Variants in SKAP1 observed in about 807,000 individuals in gnomAD.
SKAP1 encodes src kinase associated phosphoprotein 1, also known as src kinase-associated phosphoprotein 1.
A neutral mutation model predicts 58.5 loss-of-function variants in SKAP1; 44 were observed. That is an observed-to-expected ratio of 0.75 (90% CI 0.59 to 0.97). SKAP1 has a LOEUF of 0.97. Among genes scored for constraint, SKAP1 ranks in the 50% least tolerant of loss-of-function variants. The pLI, the probability that SKAP1 is intolerant of heterozygous loss-of-function variation, is 0.00. For synonymous variants in SKAP1, 127 were observed against 149.7 expected (o/e 0.85, Z 1.11); for missense variants, 390 against 435.2 (o/e 0.90, Z 0.92).
At chr17:48,384,989 G>T (rs1393562972) in intron 2 of SKAP1, among the ~76,000 whole-genome samples, 1 of 152,072 alleles carries the variant, frequency 6.6e-6, no homozygotes, top group Non-Finnish European at 1.5e-5. Context: ...GGGCAGGGTA[G>T]AAAAATGAGC....
At chr17:48,364,885 T>TA (rs1567884679) in intron 2 of SKAP1, among the ~76,000 whole-genome samples, 1 of 151,850 alleles carries the variant, frequency 6.6e-6, no homozygotes, top group Non-Finnish European at 1.5e-5. Context: ...GTCTTTTATT[T>TA]ATCTATTTTT....
At chr17:48,337,605 A>T (rs2066590999) in intron 4 of SKAP1, among the ~76,000 whole-genome samples, 1 of 152,240 alleles carries the variant, frequency 6.6e-6, no homozygotes, top group South Asian at 2.1e-4. Context: ...ATAATTAATT[A>T]GTTCTATGTC....
At chr17:48,324,251 C>A (rs1222417712) in intron 4 of SKAP1, among the ~76,000 whole-genome samples, 8 of 151,928 alleles carry the variant, frequency 5.3e-5, no homozygotes, top group Non-Finnish European at 1.5e-5. Context: ...GAACATTTTC[C>A]TATGATAATA....
intron 3 of SKAP1, among the ~76,000 whole-genome samples, chr17:48,348,874 T>C (rs2066758396): frequency 6.6e-6 from 1 of 152,164 alleles, no homozygotes; most frequent in South Asian, 2.1e-4. Context: ...AGTTCCTCTG[T>C]AAAGTACACA....
At chr17:48,370,358 T>A (rs981136589) in intron 2 of SKAP1, among the ~76,000 whole-genome samples, 2 of 152,148 alleles carry the variant, frequency 1.3e-5, no homozygotes, top group African/African-American at 4.8e-5. Context: ...TATGCTGGAG[T>A]GCTGTGGCGT....
At chr17:48,364,262 C>A (rs535328316) in intron 2 of SKAP1, among the ~76,000 whole-genome samples, 1 of 152,256 alleles carries the variant, frequency 6.6e-6, no homozygotes, top group Admixed American at 6.5e-5. Flanking sequence ...ATCTCAAATG[C>A]CTCTGAAGCC....
intron 1 of SKAP1, among the ~76,000 whole-genome samples, chr17:48,425,118 C>T (rs1449482057): frequency 6.6e-6 from 1 of 151,266 alleles, no homozygotes; most frequent in Non-Finnish European, 1.5e-5. Context: ...ATTAGCCTGT[C>T]ATGGTGGCGT....
intron 3 of SKAP1, among the ~76,000 whole-genome samples, chr17:48,356,269 T>C (rs1036121577): frequency 6.6e-6 from 1 of 151,944 alleles, no homozygotes; most frequent in East Asian, 1.9e-4. Context: ...AAAACTAAAA[T>C]AAATAAATAA....
At chr17:48,137,829 C>T (rs1381009227) in intron 11 of SKAP1, among the ~76,000 whole-genome samples, 2 of 152,182 alleles carry the variant, frequency 1.3e-5, no homozygotes, top group Non-Finnish European at 2.9e-5. Flanking sequence ...TGGAGTCAGA[C>T]AGACTGAGAT....
At chr17:48,287,075 C>A (rs549983840) in intron 4 of SKAP1, among the ~76,000 whole-genome samples, 16 of 150,172 alleles carry the variant, frequency 1.1e-4, no homozygotes, top group Admixed American at 4.0e-4. Context: ...CAGCTCTGGG[C>A]GACAGAGCAA....
At chr17:48,437,957 T>C in the SKAP1 span, among the ~76,000 whole-genome samples, 1 of 152,056 alleles carries the variant, frequency 6.6e-6, no homozygotes, top group East Asian at 1.9e-4. Context: ...TCAATATCTT[T>C]GTTGGGAAGT....
In SKAP1 at chr17:48,407,854, C is replaced by CAAA. The variant is rs71366874; in HGVS notation, c.47-11072_47-11070dup. ...GGGCAACAGAGTGAGACTTTGTCTC[C>CAAA]AAAAAAAAAAAAGGCAGGGGAGGAA... On this transcript the variant is annotated intron_variant, in intron 1 of 12. Transcript: ENST00000336915. Among the ~76,000 whole-genome samples the CAAA allele has an allele frequency of 4.7e-3, 581 of 123,470 alleles. 5 individuals carry two copies. Among genetic ancestry groups the CAAA allele is most frequent in the African/African-American group, 0.016 (527 of 33,722 alleles). The allele number at this position is 123,470 out of a possible 152,430, so 81.0% of individuals were successfully genotyped here.
intron 8 of SKAP1, 52 bp from the exon 9 acceptor site, chr17:48,180,300 G>A: frequency 7.3e-7 from 1 of 1,367,784 alleles, no homozygotes; most frequent in South Asian, 1.5e-5. Context: ...AAGAAAATAA[G>A]ACAGGAAAGG....
chr17:48,190,170 G>A (rs1333532212), intron 4 of SKAP1, among the ~76,000 whole-genome samples: 4 of 148,680 alleles, frequency 2.7e-5, no homozygotes, highest in Non-Finnish European at 3.0e-5. Flanking sequence ...GCAGTGGCGC[G>A]ATCTTGGCTC....
chr17:48,189,773 C>T (rs1451527690), intron 4 of SKAP1, among the ~76,000 whole-genome samples: 5 of 151,464 alleles, frequency 3.3e-5, no homozygotes, highest in East Asian at 1.9e-4. Flanking sequence ...CTCCCAGGTT[C>T]GAGCCATTCT....
intron 8 of SKAP1, among the ~76,000 whole-genome samples, chr17:48,181,441 C>G (rs969767238): frequency 6.6e-6 from 1 of 152,104 alleles, no homozygotes; most frequent in Non-Finnish European, 1.5e-5. Context: ...TCATGTTTGC[C>G]TAGTTCCAGT....
At chr17:48,190,617 A>T (rs893670339) in intron 4 of SKAP1, among the ~76,000 whole-genome samples, 4 of 152,250 alleles carry the variant, frequency 2.6e-5, no homozygotes, top group African/African-American at 9.6e-5. Flanking sequence ...GTGAACATAA[A>T]TTTTTTTAAG....
chr17:48,208,788 A>C (rs1168793592), intron 4 of SKAP1, among the ~76,000 whole-genome samples: 2 of 152,214 alleles, frequency 1.3e-5, no homozygotes, highest in Non-Finnish European at 1.5e-5. Flanking sequence ...TAGACAATTC[A>C]ATGTGTTTTT....
intron 4 of SKAP1, among the ~76,000 whole-genome samples, chr17:48,225,175 A>T (rs1488677682): frequency 6.6e-6 from 1 of 152,186 alleles, no homozygotes; most frequent in African/African-American, 2.4e-5. Context: ...CCTCACTAAA[A>T]CTGATTTAAA....
Sources: allele counts gnomAD v4.1 joint callset (sites outside exome capture counted in the v4.1 genomes callset), GRCh38; gene constraint gnomAD v4.1.1; transcripts MANE v1.5; gene names NCBI Gene and HGNC (gene_info 2026-07-23, HGNC 2026-07-21).